Variants in DNAH9 observed in about 807,000 individuals in gnomAD.
The protein encoded by DNAH9 is DNAH9 variant protein.
In DNAH9, 345 loss-of-function variants were observed where a neutral mutation model predicts 471.6. The observed-to-expected ratio is 0.73, with a 90% CI of 0.67 to 0.80. The LOEUF (loss-of-function observed/expected upper bound fraction) is 0.80, where lower values mean the gene tolerates loss of function less well. Among genes scored for constraint, DNAH9 ranks in the 30% least tolerant of loss-of-function variants. The pLI is 0.00. For missense variants in DNAH9, 5,407 were observed against 5,609.2 expected (o/e 0.96, Z 1.15); for synonymous variants, 2,093 against 2,123.6 (o/e 0.99, Z 0.40).
chr17:11,861,675 C>T (rs1971853543), intron 50 of DNAH9, among the ~76,000 whole-genome samples: 1 of 152,032 alleles, frequency 6.6e-6, no homozygotes, highest in African/African-American at 2.4e-5. Context: ...TCCACATCTT[C>T]TCCAGCACCT....
chr17:11,810,288 C>A lies in DNAH9; in HGVS notation c.8626C>A (p.Leu2876Ile), dbSNP rs1443603207. 1.2e-6 allele frequency: 2 copies of A among 1,613,652 alleles called. No individual in the cohort carries two copies. Among genetic ancestry groups the A allele is most frequent in the Admixed American group, 3.3e-5 (2 of 59,948 alleles). ...GTGTCTGAAAGCTGGAGTGAAGAAT[C>A]TCAACACAGTGTTTCTCATGACTGA... is the stretch of plus-strand genomic sequence containing the variant. Reference protein sequence around the residue: ...SLCLKAGVKNLNTVFLMTDAQ... With the variant: ...SLCLKAGVKNINTVFLMTDAQ... Residue 2876 changes from leucine (L) to isoleucine (I), a missense_variant, in exon 45 of 69, where the codon CTC (leucine) becomes ATC (isoleucine). By Grantham distance (5) the Leu-to-Ile change is conservative (BLOSUM62 2). Coordinates refer to ENST00000262442, the MANE Select transcript of DNAH9 (RefSeq NM_001372.4).
At chr17:11,737,463 C>G (rs893225869) in intron 28 of DNAH9, among the ~76,000 whole-genome samples, 1 of 152,152 alleles carries the variant, frequency 6.6e-6, no homozygotes, top group African/African-American at 2.4e-5. Context: ...CCGGCCCCAG[C>G]TTTTGGGTTT....
intron 35 of DNAH9, among the ~76,000 whole-genome samples, chr17:11,762,770 G>GGTTTTTTTTTTTTTTTTT (rs1967746069): frequency 1.1e-5 from 1 of 90,744 alleles, no homozygotes; most frequent in Non-Finnish European, 2.2e-5. Context: ...TTTTTTTTTT[G>GGTTTTTTTTTTTTTTTTT]TTTTTTTTTT....
intron 38 of DNAH9, among the ~76,000 whole-genome samples, chr17:11,770,352 ACT>A (rs1968154981): frequency 6.6e-6 from 1 of 152,046 alleles, no homozygotes; most frequent in African/African-American, 2.4e-5. Context: ...CTCTGCTGAC[ACT>A]CTGCTTTCCC....
At chr17:11,773,290 C>T (rs565098521) in intron 38 of DNAH9, among the ~76,000 whole-genome samples, 3 of 152,214 alleles carry the variant, frequency 2.0e-5, no homozygotes, top group Admixed American at 6.5e-5. Flanking sequence ...TTAGAACACC[C>T]AGACAGATGT....
chr17:11,882,928 G>A (rs1438696259), intron 55 of DNAH9: 2 of 985,340 alleles, frequency 2.0e-6, no homozygotes, highest in African/African-American at 1.7e-5. Context: ...GAAAGGTCAG[G>A]GTGGCTGTGG....
At chr17:11,766,808 C>CA (rs987606988) in intron 36 of DNAH9, among the ~76,000 whole-genome samples, 27 of 151,834 alleles carry the variant, frequency 1.8e-4, no homozygotes, top group Admixed American at 2.6e-4. Flanking sequence ...ACTAAAAATA[C>CA]AAAAAATTAG....
Position 11,816,383 on chromosome 17 carries a change from A to G in DNAH9, c.8708-5537A>G, listed in dbSNP as rs1008274554. On this transcript the variant is annotated intron_variant, in intron 45 of 68. Transcript: ENST00000262442. Reference sequence around the variant, plus strand: ...CAGCTCTTAATACATCTCCCAGCCCATAATTGACATTTAGGAGGTACTTCT... The same window carrying G: ...CAGCTCTTAATACATCTCCCAGCCCGTAATTGACATTTAGGAGGTACTTCT... Among the ~76,000 whole-genome samples the G allele has an allele frequency of 2.6e-5, 4 of 152,222 alleles. 1 individual carries two copies. Among genetic ancestry groups the G allele is most frequent in the African/African-American group, 9.6e-5 (4 of 41,452 alleles).
intron 27 of DNAH9, among the ~76,000 whole-genome samples, chr17:11,721,885 G>A (rs1476541126): frequency 6.6e-6 from 1 of 152,168 alleles, no homozygotes; most frequent in African/African-American, 2.4e-5. Flanking sequence ...GGTCAGGAAA[G>A]ACATGTGGAG....
rs114306536 is a variant in DNAH9 at position 11,860,853 on chromosome 17, G to A, written c.9933+6425G>A. 8.4e-3 allele frequency among the ~76,000 whole-genome samples: 1,281 copies of A among 152,202 alleles called. 18 individuals are homozygous for A. The highest frequency in any genetic ancestry group is 0.029 in the African/African-American group (1,218 of 41,538). On this transcript the variant is annotated intron_variant, in intron 50 of 68. Coordinates refer to ENST00000262442, the MANE Select transcript of DNAH9 (RefSeq NM_001372.4). ...TGGGATTACAGGGGTGAGCCACTGC[G>A]CCCTGCCAGAACACTGAATGTTTTA...
At chr17:11,921,638 A>G (rs76736587) in intron 61 of DNAH9, among the ~76,000 whole-genome samples, 13,246 of 152,232 alleles carry the variant, frequency 0.087, 783 homozygotes, top group Non-Finnish European at 0.12. Flanking sequence ...TGCAAAGGGA[A>G]AGACCTCGCA....
At chr17:11,638,645 A>C (rs940063868) in intron 9 of DNAH9, among the ~76,000 whole-genome samples, 4 of 152,018 alleles carry the variant, frequency 2.6e-5, no homozygotes, top group Non-Finnish European at 5.9e-5. Flanking sequence ...TCAGCCTCCC[A>C]AAGTGCTGGG....
chr17:11,879,337 A>G (rs1246491103), intron 53 of DNAH9, among the ~76,000 whole-genome samples: 1 of 152,146 alleles, frequency 6.6e-6, no homozygotes. Context: ...AATATGTAGT[A>G]TTAGATAATG....
At position 11,689,672 on chromosome 17, in the gene DNAH9, G is replaced by C; in HGVS notation, c.3850G>C (p.Val1284Leu). Residue 1284 changes from valine to leucine, a missense_variant, in exon 20 of 69, where the codon GTC (valine) becomes CTC (leucine). This residue lies in a region of DNAH9 where 4,636 missense variants were observed against 4,900.3 expected (regional missense o/e 0.95). Coordinates refer to ENST00000262442, the MANE Select transcript of DNAH9 (RefSeq NM_001372.4). ...SISESASLFE[V>L]NVPDYKQLRQ... ...TTCTGAGTCTGCCAGCTTATTTGAA[G>C]TCAATGTCCCTGACTATAAGCAGCT... 1 of 1,614,178 alleles carries C rather than the reference G, an allele frequency of 6.2e-7. No individual in the cohort carries two copies. Among genetic ancestry groups the C allele is most frequent in the Non-Finnish European group, 8.5e-7 (1 of 1,180,026 alleles).
At chr17:11,612,076 T>G in intron 4 of DNAH9, 1 of 591,258 alleles carries the variant, frequency 1.7e-6, no homozygotes, top group South Asian at 2.1e-5. Flanking sequence ...TAGGTCCGTG[T>G]GAGATTATAC....
At chr17:11,636,568 T>C in intron 8 of DNAH9, 66 bp from the exon 9 acceptor site, 1 of 1,334,790 alleles carries the variant, frequency 7.5e-7, no homozygotes, top group South Asian at 1.3e-5. Flanking sequence ...GAACACTGGA[T>C]TTGTATAACC....
At chr17:11,765,101 T>C (rs967107849) in intron 36 of DNAH9, among the ~76,000 whole-genome samples, 1 of 152,168 alleles carries the variant, frequency 6.6e-6, no homozygotes, top group African/African-American at 2.4e-5. Flanking sequence ...CAAAGAATGA[T>C]CATAGGGGTA....
chr17:11,863,299 T>C (rs1323105951), intron 50 of DNAH9, among the ~76,000 whole-genome samples: 4 of 152,202 alleles, frequency 2.6e-5, no homozygotes, highest in African/African-American at 4.8e-5. Context: ...TTGTCTTTGG[T>C]TCTGTTTATA....
Position 11,959,291 on chromosome 17 carries a change from T to C in DNAH9, c.12844-2576T>C, listed in dbSNP as rs911378244. Among the ~76,000 whole-genome samples, 4 of 152,190 alleles carry C rather than the reference T, an allele frequency of 2.6e-5. No homozygotes were observed. The East Asian group carries it at 7.7e-4, about 29-fold the overall frequency. ...GTAAGGGAAGACATGGCTACACAGA[T>C]GGGGTCTCATAAAACAAAGTGAATG... is the stretch of plus-strand genomic sequence containing the variant. On this transcript the variant is annotated intron_variant, in intron 67 of 68. Coordinates refer to ENST00000262442, the MANE Select transcript of DNAH9 (RefSeq NM_001372.4).
Sources: gnomAD v4.1 joint callset for allele counts (sites outside exome capture counted in the v4.1 genomes callset) on GRCh38, gnomAD v4.1.1 for gene constraint, gnomAD v4.1.1 regional missense constraint, MANE v1.5 for transcripts, NCBI Gene and HGNC (gene_info 2026-07-23, HGNC 2026-07-21) for gene names.